Variants in ADAM12 observed in about 807,000 individuals in gnomAD.
The protein encoded by ADAM12 is ADAM metallopeptidase domain 12.
ADAM12 carries 70 observed loss-of-function variants against 106.4 expected under a neutral mutation model. The ratio of observed to expected loss-of-function variants is 0.66; its 90% CI spans 0.54 to 0.80. The LOEUF (loss-of-function observed/expected upper bound fraction) is 0.80. Among genes scored for constraint, ADAM12 ranks in the 30% least tolerant of loss-of-function variants. ADAM12 has a pLI of 0.00. For missense variants in ADAM12, 1,010 were observed against 1,171.9 expected, an observed-to-expected ratio of 0.86 and a Z score of 2.02; for synonymous variants, 420 against 433.5, an observed-to-expected ratio of 0.97 and a Z score of 0.39.
chr10:126,288,939 A>G (rs761055698), intron 2 of ADAM12, among the ~76,000 whole-genome samples: 2 of 150,460 alleles, frequency 1.3e-5, no homozygotes, highest in Non-Finnish European at 3.0e-5. Context: ...GGACCGCATG[A>G]TGACATGGTA....
chr10:126,063,007 G>C (rs975891144), intron 14 of ADAM12, among the ~76,000 whole-genome samples: 5 of 152,322 alleles, frequency 3.3e-5, no homozygotes, highest in Non-Finnish European at 7.3e-5. Context: ...TGTGTATAGC[G>C]AGTACTGGCT....
intron 3 of ADAM12, among the ~76,000 whole-genome samples, chr10:126,219,300 G>A (rs576487992): frequency 6.6e-6 from 1 of 152,326 alleles, no homozygotes; most frequent in Non-Finnish European, 1.5e-5. Flanking sequence ...AGAGGTCCTG[G>A]TGACCTGCTT....
chr10:126,350,717 C>A (rs1274793055), intron 1 of ADAM12, among the ~76,000 whole-genome samples: 1 of 152,254 alleles, frequency 6.6e-6, no homozygotes, highest in East Asian at 1.9e-4. Context: ...CATCGGTGCA[C>A]AGGAATGCTG....
chr10:126,250,264 C>G (rs935610137), intron 3 of ADAM12, among the ~76,000 whole-genome samples: 15 of 152,166 alleles, frequency 9.9e-5, no homozygotes, highest in Admixed American at 5.2e-4. Context: ...CTGGGGCCCA[C>G]CTTTACTTAA....
chr10:126,279,135 T>A (rs1959428963), intron 2 of ADAM12, 147 bp from the exon 3 acceptor site: 1 of 625,710 alleles, frequency 1.6e-6, no homozygotes, highest in Non-Finnish European at 2.8e-6. Context: ...ATGCAGTGTA[T>A]AAATGAAGGT....
At chr10:126,056,144 C>A (rs1954625799) in intron 14 of ADAM12, among the ~76,000 whole-genome samples, 1 of 152,176 alleles carries the variant, frequency 6.6e-6, no homozygotes, top group Admixed American at 6.5e-5. Context: ...TTCTGTCTAC[C>A]TCCAGGAAGG....
Position 126,038,257 on chromosome 10 carries a change from T to G in ADAM12, c.2333A>C (p.Asp778Ala). Reference protein sequence around the residue: ...LGKGLMRKPPDSYPPKDNPRR... With the variant: ...LGKGLMRKPPASYPPKDNPRR... ...AAGACTCACCTTCGGTGGGTAGGAA[T>G]CTGGCGGCTTCCTCATCAGGCCTTT... Residue 778 changes from aspartate (D) to alanine (A), a missense_variant, in exon 20 of 23, where the codon GAT becomes GCT. Asp to Ala is a moderately radical substitution (Grantham distance 126). This residue lies in a region of ADAM12 where 615 missense variants were observed against 708.5 expected (regional missense o/e 0.87). Transcript: ENST00000448723. 6.2e-7 allele frequency: 1 copy of G among 1,610,786 alleles called. No individual in the cohort carries two copies. Among genetic ancestry groups the G allele is most frequent in the South Asian group, 1.1e-5 (1 of 89,770 alleles).
chr10:126,338,316 G>C lies in ADAM12; in HGVS notation c.89-7807C>G, dbSNP rs536128579. Among the ~76,000 whole-genome samples the C allele has an allele frequency of 6.3e-4, 93 of 146,526 alleles. 1 individual carries two copies. In the South Asian group the frequency reaches 0.014, roughly 22 times the overall value. On this transcript the variant is annotated intron_variant, in intron 1 of 22. Coordinates refer to ENST00000448723, the MANE Select transcript of ADAM12 (RefSeq NM_001288973.2). The stretch of plus-strand genomic sequence containing the variant: ...CGCCCAGGCTGGAGTGCAGTGGCGG[G>C]ATCTCGGCTCACTGCAAGCTCCGCC...
Position 126,066,628 on chromosome 10 carries a change from T to C in ADAM12, c.1413+89A>G. On this transcript the variant is annotated intron_variant, in intron 13 of 22. Transcript: ENST00000448723. The surrounding 1 kb of genome is among the most constrained non-coding windows in gnomAD (Gnocchi z 5.1). ...GTGCTGTGGTGAGTGCTGGGAAACC[T>C]TCCAGCCACACTGCTTGCCCTGCAT... 7.6e-7 allele frequency: 1 copy of C among 1,323,528 alleles called. No homozygotes were observed. The highest frequency in any genetic ancestry group is 1.2e-5 in the South Asian group (1 of 82,624). 82.0% of individuals were successfully genotyped at this position (1,323,528 alleles called of 1,614,324 possible).
chr10:126,175,568 C>A (rs1034685783), intron 3 of ADAM12, among the ~76,000 whole-genome samples: 9 of 152,160 alleles, frequency 5.9e-5, no homozygotes, highest in Non-Finnish European at 1.2e-4. Flanking sequence ...CCTATACATG[C>A]CCTACATTTT....
chr10:126,380,452 G>A (rs1193119502), intron 1 of ADAM12, among the ~76,000 whole-genome samples: 3 of 152,186 alleles, frequency 2.0e-5, no homozygotes, highest in Non-Finnish European at 4.4e-5. Flanking sequence ...CCTTGCCTCT[G>A]ACACTGCTGA....
chr10:126,272,125 G>A (rs931236556), intron 3 of ADAM12, among the ~76,000 whole-genome samples: 5 of 152,182 alleles, frequency 3.3e-5, no homozygotes, highest in Admixed American at 2.0e-4. Context: ...CAGTCATCCA[G>A]TTACTGTTTT....
intron 3 of ADAM12, among the ~76,000 whole-genome samples, chr10:126,227,697 A>AGCACC (rs1958225352): frequency 6.6e-6 from 1 of 152,198 alleles, no homozygotes; most frequent in South Asian, 2.1e-4. Flanking sequence ...CTCAGCAGAA[A>AGCACC]GTGACTGCTT....
At chr10:126,248,953 C>T (rs767507197) in intron 3 of ADAM12, among the ~76,000 whole-genome samples, 4 of 152,030 alleles carry the variant, frequency 2.6e-5, no homozygotes, top group Admixed American at 6.5e-5. Context: ...TGATCTGCCC[C>T]GTTCGGCCTC....
At chr10:126,322,235 C>T (rs753570673) in intron 2 of ADAM12, among the ~76,000 whole-genome samples, 2 of 152,188 alleles carry the variant, frequency 1.3e-5, no homozygotes, top group African/African-American at 2.4e-5. Context: ...CCAGTTGAGT[C>T]GCTTCAGCAG....
chr10:126,148,034 C>T lies in ADAM12; in HGVS notation c.339+7193G>A, dbSNP rs111727050. Among the ~76,000 whole-genome samples, 614 of 152,254 alleles carry T rather than the reference C, an allele frequency of 4.0e-3. 2 individuals carry two copies. Among genetic ancestry groups the T allele is most frequent in the African/African-American group, 0.014 (582 of 41,534 alleles). ...CAGAAATGTCACACGGATAGTCTCCCGCAGGCCTTATTAAAAGTAACAATA... is the reference window on the plus strand; with the variant it reads ...CAGAAATGTCACACGGATAGTCTCCTGCAGGCCTTATTAAAAGTAACAATA... On this transcript the variant is annotated intron_variant, in intron 4 of 22. Transcript: ENST00000448723.
intron 6 of ADAM12, among the ~76,000 whole-genome samples, chr10:126,110,275 G>A (rs1272147198): frequency 6.6e-6 from 1 of 152,112 alleles, no homozygotes. Flanking sequence ...AATGCACTGT[G>A]GCTGTTCCCT....
At chr10:126,042,629 C>T (rs2133415154) in intron 18 of ADAM12, among the ~76,000 whole-genome samples, 1 of 152,338 alleles carries the variant, frequency 6.6e-6, no homozygotes, top group East Asian at 1.9e-4. Context: ...GTCACCTTTA[C>T]TAAGAGGTGG....
chr10:126,164,235 T>C (rs1302447219), intron 3 of ADAM12, among the ~76,000 whole-genome samples: 1 of 152,250 alleles, frequency 6.6e-6, no homozygotes, highest in Non-Finnish European at 1.5e-5. Flanking sequence ...TTAATTATTC[T>C]GTACAGCATA....
Sources: gnomAD v4.1 joint callset for allele counts (sites outside exome capture counted in the v4.1 genomes callset) on GRCh38, gnomAD v4.1.1 for gene constraint, gnomAD v4.1.1 regional missense constraint, Gnocchi (gnomAD v3.1) non-coding constraint, MANE v1.5 for transcripts, NCBI Gene and HGNC (gene_info 2026-07-23, HGNC 2026-07-21) for gene names.